The following PCYT2 variants were observed in gnomAD, a reference collection of about 807,000 sequenced individuals.
PCYT2 encodes the protein phosphate cytidylyltransferase 2, ethanolamine.
PCYT2 carries 33 observed loss-of-function variants against 50.0 expected under a neutral mutation model. The ratio of observed to expected loss-of-function variants is 0.66; its 90% CI spans 0.50 to 0.88. The LOEUF (loss-of-function observed/expected upper bound fraction) is 0.88, where lower values mean the gene tolerates loss of function less well. PCYT2 is among the 40% of genes least tolerant of loss of function. The probability of loss-of-function intolerance (pLI) is 0.00; values close to 1 mark genes in which losing one functional copy is unlikely to be tolerated. For missense variants in PCYT2, 430 were observed against 519.7 expected (o/e 0.83, Z 1.68); for synonymous variants, 240 against 203.7 (o/e 1.18, Z -1.52).
In PCYT2 at chr17:81,909,604, T is replaced by C; in HGVS notation, c.90-2A>G. On this transcript the variant is annotated splice_acceptor_variant, in intron 1 of 12. Coordinates refer to ENST00000538936, the MANE Select transcript of PCYT2 (RefSeq NM_002861.5). LOFTEE classifies it high-confidence loss of function. ...TGGCCGTAATGCACCATGTCATAGCTGTGGAGACAGAGAGAGTGGGTGGTC... is the reference window on the plus strand; with the variant it reads ...TGGCCGTAATGCACCATGTCATAGCCGTGGAGACAGAGAGAGTGGGTGGTC... 1 of 1,612,546 alleles carries C rather than the reference T, an allele frequency of 6.2e-7. No individual in the cohort carries two copies. The highest frequency in any genetic ancestry group is 8.5e-7 in the Non-Finnish European group (1 of 1,178,800).
rs753367714 is a variant in PCYT2, at chr17:81,902,784, G to A, written c.*2049C>T. 1 of 1,567,256 alleles carries A rather than the reference G, an allele frequency of 6.4e-7. No individual in the cohort carries two copies. The highest frequency in any genetic ancestry group is 8.6e-7 in the Non-Finnish European group (1 of 1,159,234). ...CTCCTGGCACCGCTGGGGGCCCCCC[G>A]CCCCCACCGTCCCACTCGGTGACCC... On this transcript the variant is annotated 3_prime_UTR_variant, in exon 13 of 13. Coordinates refer to ENST00000538936, the MANE Select transcript of PCYT2 (RefSeq NM_002861.5).
intron 1 of PCYT2, among the ~76,000 whole-genome samples, chr17:81,910,441 G>A (rs978688540): frequency 6.6e-6 from 1 of 152,184 alleles, no homozygotes; most frequent in African/African-American, 2.4e-5. Flanking sequence ...CGCGGAGCCC[G>A]GCAGACATGC....
At chr17:81,910,843 C>G (rs1228212845) in intron 1 of PCYT2, 1 of 977,782 alleles carries the variant, frequency 1.0e-6, no homozygotes, top group Admixed American at 6.2e-5. Flanking sequence ...GAGGAGGACC[C>G]GGGAGCCCGC....
chr17:81,906,526 G>A lies in PCYT2; in HGVS notation c.697C>T (p.Leu233=). The change falls in exon 8 of 13, where the codon CTG becomes TTG. Residue 233 remains leucine, a synonymous_variant. Coordinates refer to ENST00000538936, the MANE Select transcript of PCYT2 (RefSeq NM_002861.5). The stretch of plus-strand genomic sequence containing the variant: ...TCTGCCAGCCTGTGCACCTTCTCCA[G>A]GAAGTCCACATGCCCGATGTCTGCA... ...DLFHIGHVDF[L]EKVHRLAERP... 1 of 1,613,516 alleles carries A rather than the reference G, an allele frequency of 6.2e-7. No homozygotes were observed. Among genetic ancestry groups the A allele is most frequent in the Non-Finnish European group, 8.5e-7 (1 of 1,179,904 alleles).
chr17:81,902,466 AC>A lies in PCYT2; in HGVS notation c.*2366del. ...GCTCCCAGCCCTACAGAGGGGCGGA[AC>A]CCCCGGGCGGGGCCGGCGCCTCCCC... On this transcript the variant is annotated 3_prime_UTR_variant, in exon 13 of 13. Transcript: ENST00000538936. 12 of 1,388,324 alleles carry A rather than the reference AC, an allele frequency of 8.6e-6. No individual in the cohort carries two copies. The highest frequency in any genetic ancestry group is 1.1e-5 in the Non-Finnish European group (12 of 1,080,332). 86.0% of individuals were successfully genotyped at this position (1,388,324 alleles called of 1,614,324 possible).
intron 4 of PCYT2, among the ~76,000 whole-genome samples, chr17:81,908,241 G>A (rs1429877458): frequency 1.3e-5 from 2 of 152,204 alleles, no homozygotes; most frequent in African/African-American, 2.4e-5. Context: ...GGAGCCACTG[G>A]CCTCATGTCC....
At chr17:81,909,949 C>T (rs2040485622) in intron 1 of PCYT2, among the ~76,000 whole-genome samples, 3 of 152,180 alleles carry the variant, frequency 2.0e-5, no homozygotes, top group African/African-American at 7.2e-5. Context: ...ATATCAACTG[C>T]CCTGGGCAGT....
Position 81,908,311 on chromosome 17 carries a change from G to A in PCYT2, c.407+257C>T, listed in dbSNP as rs183681606. Among the ~76,000 whole-genome samples the A allele has an allele frequency of 5.5e-4, 84 of 152,338 alleles. 1 individual carries two copies. Among genetic ancestry groups the A allele is most frequent in the African/African-American group, 1.3e-3 (56 of 41,586 alleles). ...CCCAGCAGTGCCAGCCACGTCCCCC[G>A]AGCTCAACAGCTGCCACCTCACAAA... is the stretch of plus-strand genomic sequence containing the variant. On this transcript the variant is annotated intron_variant, in intron 4 of 12. Coordinates refer to ENST00000538936, the MANE Select transcript of PCYT2 (RefSeq NM_002861.5).
intron 9 of PCYT2, 124 bp from the exon 10 acceptor site, chr17:81,905,859 G>T: frequency 9.8e-7 from 1 of 1,021,870 alleles, no homozygotes; most frequent in Non-Finnish European, 1.5e-6. Context: ...GGGATGGGCT[G>T]GGCAGGCTGG....
chr17:81,908,461 G>A (rs2040398855), intron 4 of PCYT2, 107 bp downstream of exon 4: 2 of 804,056 alleles, frequency 2.5e-6, no homozygotes, highest in Non-Finnish European at 4.1e-6. Flanking sequence ...ACATGGCCCA[G>A]GGCCTGGACG....
intron 2 of PCYT2, 107 bp downstream of exon 2, chr17:81,909,407 C>T: frequency 6.8e-7 from 1 of 1,460,206 alleles, no homozygotes; most frequent in Non-Finnish European, 9.4e-7. Context: ...CCCTCCCCTA[C>T]AGCTGTGCCC....
intron 1 of PCYT2, 45 bp from the exon 2 acceptor site, chr17:81,909,647 G>A: frequency 6.7e-7 from 1 of 1,481,848 alleles, no homozygotes; most frequent in South Asian, 1.1e-5. Context: ...CAAGGGTGGG[G>A]ACCAGGTGTC....
rs767673422 is a variant in PCYT2, at chr17:81,902,634, G to A, written c.*2199C>T. 1 of 1,599,070 alleles carries A rather than the reference G, an allele frequency of 6.3e-7. No homozygotes were observed. Among genetic ancestry groups the A allele is most frequent in the Non-Finnish European group, 8.5e-7 (1 of 1,175,464 alleles). On this transcript the variant is annotated 3_prime_UTR_variant, in exon 13 of 13. Coordinates refer to ENST00000538936, the MANE Select transcript of PCYT2 (RefSeq NM_002861.5). ...CTGCCCCCCAGGCTGTGTGCGTCCA[G>A]GACGTCGCCCCAAACCTGCAGAGGT...
chr17:81,909,612 C>T lies in PCYT2; in HGVS notation c.90-10G>A. Reference sequence around the variant, plus strand: ...ATGCACCATGTCATAGCTGTGGAGACAGAGAGAGTGGGTGGTCCCTGTGCC... The same window carrying T: ...ATGCACCATGTCATAGCTGTGGAGATAGAGAGAGTGGGTGGTCCCTGTGCC... On this transcript the variant is annotated splice_polypyrimidine_tract_variant and intron_variant, in intron 1 of 12. Coordinates refer to ENST00000538936, the MANE Select transcript of PCYT2 (RefSeq NM_002861.5). 1 of 1,610,240 alleles carries T rather than the reference C, an allele frequency of 6.2e-7. No homozygotes were observed. Among genetic ancestry groups the T allele is most frequent in the South Asian group, 1.1e-5 (1 of 91,028 alleles).
intron 6 of PCYT2, chr17:81,907,229 A>G (rs1423784442): frequency 2.0e-6 from 3 of 1,534,476 alleles, no homozygotes; most frequent in South Asian, 1.2e-5. Context: ...TGAGGAAAGT[A>G]TGTCCCCGGC....
intron 8 of PCYT2, 111 bp downstream of exon 8, chr17:81,906,353 G>T: frequency 8.2e-7 from 1 of 1,215,690 alleles, no homozygotes; most frequent in South Asian, 1.3e-5. Context: ...GGTCTCCTGT[G>T]ACTTCACCTG....
chr17:81,908,552 C>T lies in PCYT2; in HGVS notation c.407+16G>A, dbSNP rs144473166. On this transcript the variant is annotated intron_variant, in intron 4 of 12. Transcript: ENST00000538936. The stretch of plus-strand genomic sequence containing the variant: ...GTCCAGCTCCCTGGATGGCCAGGCC[C>T]GCGGTGGAGACTCACCTGTACCTCC... 53 of 1,605,450 alleles carry T rather than the reference C, an allele frequency of 3.3e-5. No individual in the cohort carries two copies. Among genetic ancestry groups the T allele is most frequent in the East Asian group, 6.7e-5 (3 of 44,868 alleles).
chr17:81,902,467 C>A lies in PCYT2; in HGVS notation c.*2366G>T. 1.4e-6 allele frequency: 2 copies of A among 1,388,942 alleles called. No individual in the cohort carries two copies. Among genetic ancestry groups the A allele is most frequent in the Non-Finnish European group, 1.9e-6 (2 of 1,080,510 alleles). The allele number at this position is 1,388,942 out of a possible 1,614,324, so 86.0% of individuals were successfully genotyped here. On this transcript the variant is annotated 3_prime_UTR_variant, in exon 13 of 13. Coordinates refer to ENST00000538936, the MANE Select transcript of PCYT2 (RefSeq NM_002861.5). ...CTCCCAGCCCTACAGAGGGGCGGAA[C>A]CCCCGGGCGGGGCCGGCGCCTCCCC...
chr17:81,911,182 C>G, intron 1 of PCYT2, 85 bp downstream of exon 1: 3 of 1,014,188 alleles, frequency 3.0e-6, no homozygotes, highest in Non-Finnish European at 3.5e-6. Context: ...GAACGCGGGC[C>G]CGGTCCCCGG....
Sources: allele counts gnomAD v4.1 joint callset (sites outside exome capture counted in the v4.1 genomes callset), GRCh38; gene constraint gnomAD v4.1.1; transcripts MANE v1.5; gene names NCBI Gene and HGNC (gene_info 2026-07-23, HGNC 2026-07-21).